Variants in TBX5 observed in about 807,000 individuals in gnomAD.
TBX5 encodes the protein T-box transcription factor TBX5.
In TBX5, 8 loss-of-function variants were observed where a neutral mutation model predicts 51.1. The ratio of observed to expected loss-of-function variants is 0.16; its 90% confidence interval spans 0.09 to 0.28. TBX5 has a LOEUF of 0.28. Ranked by LOEUF, TBX5 falls within the 10% of genes least tolerant of loss-of-function variation. The pLI, the probability that TBX5 is intolerant of heterozygous loss-of-function variation, is 1.00. For synonymous variants in TBX5, 302 were observed against 266.4 expected (o/e 1.13, Z -1.30); for missense variants, 589 against 671.7 (o/e 0.88, Z 1.36).
At chr12:114,388,041 G>T (rs1454820705) in intron 6 of TBX5, among the ~76,000 whole-genome samples, 1 of 152,110 alleles carries the variant, frequency 6.6e-6, no homozygotes, top group Non-Finnish European at 1.5e-5. Flanking sequence ...TTCAGATGAG[G>T]TTTTGCCATG....
chr12:114,369,997 G>A (rs922776469), intron 7 of TBX5, among the ~76,000 whole-genome samples: 4 of 152,082 alleles, frequency 2.6e-5, no homozygotes, highest in Non-Finnish European at 4.4e-5. Context: ...GCTCACACCT[G>A]TAATTCCAGC....
chr12:114,357,749 T>C (rs1869003496), intron 8 of TBX5, among the ~76,000 whole-genome samples: 1 of 152,236 alleles, frequency 6.6e-6, no homozygotes, highest in Non-Finnish European at 1.5e-5. Context: ...TCATTACTTA[T>C]CTGAAATTTT....
chr12:114,362,148 G>T (rs1156530282), intron 8 of TBX5, among the ~76,000 whole-genome samples: 1 of 152,042 alleles, frequency 6.6e-6, no homozygotes, highest in Admixed American at 6.6e-5. Context: ...ACCCTGGTCG[G>T]AGCCACCATC....
intron 7 of TBX5, among the ~76,000 whole-genome samples, chr12:114,378,782 G>A (rs760416363): frequency 4.6e-5 from 7 of 152,070 alleles, no homozygotes; most frequent in Non-Finnish European, 1.0e-4. Flanking sequence ...GATTACAGGT[G>A]AGCACCACCA....
intron 7 of TBX5, among the ~76,000 whole-genome samples, chr12:114,375,444 G>C (rs1243055947): frequency 1.3e-5 from 2 of 151,856 alleles, no homozygotes; most frequent in Admixed American, 1.3e-4. Context: ...ACTCAATAGT[G>C]GTGAAAAAAA....
At chr12:114,407,709 C>T (rs1872315958), upstream of TBX5, 3 of 945,204 alleles carry the variant, frequency 3.2e-6, no homozygotes, top group Non-Finnish European at 3.8e-6. Flanking sequence ...AGTAGCAGCA[C>T]AGCAAGAGAA....
At chr12:114,401,362 A>T (rs190907182) in intron 3 of TBX5, among the ~76,000 whole-genome samples, 38 of 152,296 alleles carry the variant, frequency 2.5e-4, no homozygotes, top group African/African-American at 6.7e-4. Flanking sequence ...GGGACCCTGG[A>T]GCCACTCCAA....
intron 8 of TBX5, among the ~76,000 whole-genome samples, chr12:114,360,651 G>A (rs1297883448): frequency 6.6e-6 from 1 of 150,958 alleles, no homozygotes; most frequent in East Asian, 2.0e-4. Context: ...TGGATGAGTG[G>A]GTGGATGGAT....
chr12:114,355,586 C>A lies in TBX5; in HGVS notation c.1503G>T (p.Gln501His). The change falls in exon 9 of 9, where the codon CAG (glutamine) becomes CAT (histidine). Residue 501 changes from glutamine to histidine, a missense_variant. By Grantham distance (24) the Gln-to-His change is conservative. Transcript: ENST00000405440. ...TGCCAACTCCGTGCACAGAGTGGTACTGATGAGGGGATAGAGTCCTTGGCA... is the reference window on the plus strand; with the variant it reads ...TGCCAACTCCGTGCACAGAGTGGTAATGATGAGGGGATAGAGTCCTTGGCA... ...HGVPRTLSPH[Q>H]YHSVHGVGMV... 1 of 1,614,178 alleles carries A rather than the reference C, an allele frequency of 6.2e-7. No individual in the cohort carries two copies. The highest frequency in any genetic ancestry group is 8.5e-7 in the Non-Finnish European group (1 of 1,180,048).
At chr12:114,399,884 C>A (rs1871698088) in intron 3 of TBX5, among the ~76,000 whole-genome samples, 1 of 152,178 alleles carries the variant, frequency 6.6e-6, no homozygotes, top group South Asian at 2.1e-4. Flanking sequence ...AGGACGCATG[C>A]GCCTCTAGAG....
intron 8 of TBX5, among the ~76,000 whole-genome samples, chr12:114,364,550 G>C (rs948427825): frequency 6.6e-6 from 1 of 152,144 alleles, no homozygotes; most frequent in Non-Finnish European, 1.5e-5. Context: ...CATCCTGATT[G>C]ATTCTACAGA....
At position 114,363,168 on chromosome 12, in the gene TBX5, T is replaced by G. The variant is rs1048631604; in HGVS notation, c.982+2997A>C. On this transcript the variant is annotated intron_variant, in intron 8 of 8. Transcript: ENST00000405440. ...CAAGCAGGTGCTATTGTTATCCTCA[T>G]TTTGCACAAAAGATAGTTGAGGCCC... is the stretch of plus-strand genomic sequence containing the variant. 2.6e-5 allele frequency among the ~76,000 whole-genome samples: 4 copies of G among 152,196 alleles called. No individual in the cohort carries two copies. In the South Asian group the frequency reaches 8.3e-4, roughly 31 times the overall value.
chr12:114,399,204 C>G (rs571658665), intron 4 of TBX5, among the ~76,000 whole-genome samples: 1 of 152,158 alleles, frequency 6.6e-6, no homozygotes, highest in Non-Finnish European at 1.5e-5. Flanking sequence ...TTTTATGCCC[C>G]CAGAAATACC....
At position 114,389,753 on chromosome 12, in the gene TBX5, C is replaced by CAAAAAAAA. The variant is rs55649814; in HGVS notation, c.664-4194_664-4187dup. ...TGGGCGACAGAGCGAGACTCCGTCTCAAAAAAAAAAAAAAAAAAAAAAAAA... is the reference window on the plus strand; with the variant it reads ...TGGGCGACAGAGCGAGACTCCGTCTCAAAAAAAAAAAAAAAAAAAAAAAAAAAAAAAAA... On this transcript the variant is annotated intron_variant, in intron 6 of 8. Coordinates refer to ENST00000405440, the MANE Select transcript of TBX5 (RefSeq NM_181486.4). Among the ~76,000 whole-genome samples the CAAAAAAAA allele has an allele frequency of 3.0e-4, 12 of 40,274 alleles. 1 individual carries two copies. Among genetic ancestry groups the CAAAAAAAA allele is most frequent in the Non-Finnish European group, 4.9e-4 (11 of 22,672 alleles). 26.4% of individuals were successfully genotyped at this position (40,274 alleles called of 152,430 possible). A position where few individuals can be genotyped will look rare whatever the true frequency, so the allele number is the denominator to read the frequency against.
chr12:114,375,047 G>A (rs1462943854), intron 7 of TBX5, among the ~76,000 whole-genome samples: 1 of 152,146 alleles, frequency 6.6e-6, no homozygotes, highest in African/African-American at 2.4e-5. Context: ...ACACGCCTTC[G>A]ATTTTTCATA....
rs373102780 is a variant in TBX5, at chr12:114,360,768, G to A, written c.983-4662C>T. Among the ~76,000 whole-genome samples, 170 of 151,310 alleles carry A rather than the reference G, an allele frequency of 1.1e-3. 4 individuals are homozygous for A. In the South Asian group the frequency reaches 0.034, roughly 31 times the overall value. Reference sequence around the variant, plus strand: ...ATGGTGGGTGGATGGATTGGTGGGTGGGTGGATGAGTGGGTGGATGACTTT... The same window carrying A: ...ATGGTGGGTGGATGGATTGGTGGGTAGGTGGATGAGTGGGTGGATGACTTT... On this transcript the variant is annotated intron_variant, in intron 8 of 8. Transcript: ENST00000405440.
At chr12:114,398,952 C>T (rs1489368873) in intron 4 of TBX5, among the ~76,000 whole-genome samples, 2 of 152,160 alleles carry the variant, frequency 1.3e-5, no homozygotes, top group Non-Finnish European at 2.9e-5. Flanking sequence ...CAGCCTCTCG[C>T]ATCCCACAAA....
At chr12:114,402,610 T>C (rs1377480025) in intron 2 of TBX5, among the ~76,000 whole-genome samples, 4 of 152,212 alleles carry the variant, frequency 2.6e-5, no homozygotes, top group African/African-American at 9.7e-5. Context: ...AGTAGTTCCA[T>C]TCACATCCAG....
intron 7 of TBX5, among the ~76,000 whole-genome samples, chr12:114,381,300 T>C (rs1336831593): frequency 1.3e-5 from 2 of 152,100 alleles, no homozygotes; most frequent in Non-Finnish European, 2.9e-5. Context: ...CCCTCCTGCT[T>C]TTCTCCCATA....
Sources: gnomAD v4.1 joint callset for allele counts (sites outside exome capture counted in the v4.1 genomes callset) on GRCh38, gnomAD v4.1.1 for gene constraint, MANE v1.5 for transcripts, NCBI Gene and HGNC (gene_info 2026-07-23, HGNC 2026-07-21) for gene names.